APC: variants seen among roughly 807,000 people sequenced by gnomAD.
The protein encoded by APC is adenomatous polyposis coli protein.
In APC, 72 loss-of-function variants were observed where a neutral mutation model predicts 247.0. The observed-to-expected ratio is 0.29, with a 90% CI of 0.24 to 0.35. The LOEUF is 0.35. Ranked by LOEUF, APC falls within the 10% of genes least tolerant of loss-of-function variation. The pLI is 1.00. For synonymous variants in APC, 1,254 were observed against 1,162.5 expected, an observed-to-expected ratio of 1.08 and a Z score of -1.60; for missense variants, 3,400 against 3,360.7, an observed-to-expected ratio of 1.01 and a Z score of -0.29.
At chr5:112,764,965 A>G (rs1756107854) in intron 2 of APC, among the ~76,000 whole-genome samples, 1 of 152,216 alleles carries the variant, frequency 6.6e-6, no homozygotes, top group Admixed American at 6.5e-5. Flanking sequence ...ACACTCTGGA[A>G]TATTTTGAAA....
rs876660453 is a variant in APC at position 112,843,483 on chromosome 5, T to C, written c.7889T>C (p.Val2630Ala). 1 of 1,614,010 alleles carries C rather than the reference T, an allele frequency of 6.2e-7. No individual in the cohort carries two copies. Among genetic ancestry groups the C allele is most frequent in the Middle Eastern group, 1.6e-4 (1 of 6,062 alleles). ...FSPTNSTSQT[V>A]SSGATNGAES... Reference sequence around the variant, plus strand: ...CCCACAAATAGTACTTCTCAGACCGTTTCCTCAGGTGCTACAAATGGTGCT... The same window carrying C: ...CCCACAAATAGTACTTCTCAGACCGCTTCCTCAGGTGCTACAAATGGTGCT... Residue 2630 changes from valine (V) to alanine (A), a missense_variant, in exon 16 of 16, where the codon GTT (valine) becomes GCT (alanine). Coordinates refer to ENST00000257430, the MANE Select transcript of APC (RefSeq NM_000038.6). The surrounding 1 kb of genome is among the most constrained non-coding windows in gnomAD (Gnocchi z 4.8).
chr5:112,707,712 C>A, exon 1 of APC: 1 of 1,370,606 alleles, frequency 7.3e-7, no homozygotes, highest in Non-Finnish European at 9.6e-7. Flanking sequence ...GGCCTCGGCG[C>A]CCCCTATGTA....
intron 1 of APC, among the ~76,000 whole-genome samples, chr5:112,708,103 C>T (rs992447874): frequency 2.6e-5 from 4 of 152,196 alleles, no homozygotes; most frequent in African/African-American, 9.7e-5. Context: ...GCGACGCCCG[C>T]CGTCCTCCAC....
chr5:112,768,633 A>G (rs777150885), intron 4 of APC, among the ~76,000 whole-genome samples: 2 of 150,884 alleles, frequency 1.3e-5, no homozygotes, highest in Non-Finnish European at 2.9e-5. Flanking sequence ...TCAGACATTT[A>G]TTATTTCTTC....
intron 1 of APC, among the ~76,000 whole-genome samples, chr5:112,713,421 G>A (rs367950311): frequency 3.3e-5 from 5 of 152,114 alleles, no homozygotes; most frequent in Non-Finnish European, 7.4e-5. Flanking sequence ...CAACTAAACC[G>A]TTCACAGAAG....
chr5:112,821,267 A>G (rs918187536), intron 10 of APC, among the ~76,000 whole-genome samples: 1 of 152,060 alleles, frequency 6.6e-6, no homozygotes, highest in Admixed American at 6.6e-5. Context: ...GCACTATGGG[A>G]GGCCCGGGCA....
intron 11 of APC, among the ~76,000 whole-genome samples, chr5:112,822,802 C>T (rs1054304404): frequency 1.2e-4 from 18 of 152,188 alleles, no homozygotes; most frequent in African/African-American, 4.3e-4. Flanking sequence ...TATGTTCCAG[C>T]CACCACTTTA....
chr5:112,833,028 G>A (rs886459971), intron 14 of APC, among the ~76,000 whole-genome samples: 3 of 100,514 alleles, frequency 3.0e-5, no homozygotes, highest in African/African-American at 1.0e-4. Flanking sequence ...TTTGGGTTTG[G>A]GTTTTTTTTT....
intron 1 of APC, among the ~76,000 whole-genome samples, chr5:112,726,510 C>T (rs1394551643): frequency 6.6e-6 from 1 of 152,122 alleles, no homozygotes; most frequent in Non-Finnish European, 1.5e-5. Context: ...CATTTGTCTC[C>T]TTGTGGAGCA....
rs1554087974 is a variant in APC, at chr5:112,842,668, C to T, written c.7074C>T (p.Ser2358=). 4.3e-6 allele frequency: 7 copies of T among 1,613,728 alleles called. No homozygotes were observed. Among genetic ancestry groups the T allele is most frequent in the Non-Finnish European group, 5.9e-6 (7 of 1,179,718 alleles). ...TSSPSTASTK[S]SGSGKMSYTS... The stretch of plus-strand genomic sequence containing the variant: ...CCCCTAGTACTGCTTCAACTAAGTC[C>T]TCAGGTTCTGGAAAAATGTCATATA... The change falls in exon 16 of 16, where the codon TCC becomes TCT. Residue 2358 remains serine, a synonymous_variant. Coordinates refer to ENST00000257430, the MANE Select transcript of APC (RefSeq NM_000038.6).
chr5:112,834,822 A>C, intron 14 of APC, 129 bp from the exon 15 acceptor site: 1 of 800,970 alleles, frequency 1.2e-6, no homozygotes, highest in Non-Finnish European at 2.1e-6. Context: ...GAAAGTTCTT[A>C]ATTTACCAGT....
chr5:112,761,406 T>G lies in APC; in HGVS notation c.136-4920T>G, dbSNP rs544475874. Among the ~76,000 whole-genome samples, 7 of 152,000 alleles carry G rather than the reference T, an allele frequency of 4.6e-5. No homozygotes were observed. In the East Asian group the frequency reaches 1.4e-3, roughly 29 times the overall value. On this transcript the variant is annotated intron_variant, in intron 2 of 15. Transcript: ENST00000257430. Reference sequence around the variant, plus strand: ...CTTGAAAAAAAGAAAAATGAACAGATAGAAAATTTTGACAGAGAATTGGAG... The same window carrying G: ...CTTGAAAAAAAGAAAAATGAACAGAGAGAAAATTTTGACAGAGAATTGGAG...
rs1448553658 is a variant in APC at position 112,845,970 on chromosome 5, A to C, written c.*1844A>C. On this transcript the variant is annotated 3_prime_UTR_variant, in exon 16 of 16. Coordinates refer to ENST00000257430, the MANE Select transcript of APC (RefSeq NM_000038.6). ...AATCACATCAAGTAGTTAATTATCT[A>C]CCCCTTACCTGTGTTTATAACTTCC... 4.3e-6 allele frequency: 1 copy of C among 231,968 alleles called. No homozygotes were observed. Among genetic ancestry groups the C allele is most frequent in the Non-Finnish European group, 8.5e-6 (1 of 117,398 alleles). The allele number at this position is 231,968 out of a possible 1,614,324, so 14.4% of individuals were successfully genotyped here.
chr5:112,767,335 T>C lies in APC; in HGVS notation c.367T>C (p.Phe123Leu). The C allele has an allele frequency of 6.2e-7, 1 of 1,614,024 alleles. No individual in the cohort carries two copies. The highest frequency in any genetic ancestry group is 8.5e-7 in the Non-Finnish European group (1 of 1,179,988). The part of the protein sequence containing the change: ...VPMGSFPRRG[F>L]VNGSRESTGY... ...TATGGGTTCATTTCCAAGAAGAGGG[T>C]TTGTAAATGGAAGCAGAGAAAGTAC... The change falls in exon 4 of 16, where the codon TTT (phenylalanine) becomes CTT (leucine). Residue 123 changes from phenylalanine (F) to leucine (L), a missense_variant. By Grantham distance (22) the Phe-to-Leu change is conservative. This residue lies in a region of APC where 372 missense variants were observed against 367.6 expected (regional missense o/e 1.01). Coordinates refer to ENST00000257430, the MANE Select transcript of APC (RefSeq NM_000038.6).
At chr5:112,740,524 C>CTTTTTTTTTTT (rs11286305) in intron 1 of APC, among the ~76,000 whole-genome samples, 6 of 99,126 alleles carry the variant, frequency 6.1e-5, no homozygotes, top group African/African-American at 8.2e-5. Flanking sequence ...GTTTTTTTTT[C>CTTTTTTTTTTT]TTTTTTTTTT....
chr5:112,767,097 C>G (rs1561463502), intron 3 of APC, 92 bp from the exon 4 acceptor site: 6 of 1,117,346 alleles, frequency 5.4e-6, no homozygotes, highest in Non-Finnish European at 6.6e-6. Context: ...AAATGTAAAC[C>G]TAATATTTCA....
At position 112,771,616 on chromosome 5, in the gene APC, T is replaced by C. The variant is rs1757051785; in HGVS notation, c.423-4013T>C. Among the ~76,000 whole-genome samples the C allele has an allele frequency of 9.2e-5, 14 of 152,348 alleles. No individual in the cohort carries two copies. In the South Asian group the frequency reaches 2.9e-3, roughly 32 times the overall value. On this transcript the variant is annotated intron_variant, in intron 4 of 15. Transcript: ENST00000257430. Reference sequence around the variant, plus strand: ...AAATTTGATACCAGTCTGAATCTTATTCCTTTGTAGATGGCCATTTTTCCT... The same window carrying C: ...AAATTTGATACCAGTCTGAATCTTACTCCTTTGTAGATGGCCATTTTTCCT...
intron 1 of APC, among the ~76,000 whole-genome samples, chr5:112,748,288 A>G (rs1301369024): frequency 6.6e-6 from 1 of 152,176 alleles, no homozygotes; most frequent in Non-Finnish European, 1.5e-5. Flanking sequence ...GGGAAGAGAA[A>G]GAGAAATAGA....
rs1295184640 is a variant in APC at position 112,844,692 on chromosome 5, AAC to A, written c.*568_*569del. 2 of 232,916 alleles carry A rather than the reference AAC, an allele frequency of 8.6e-6. No individual in the cohort carries two copies. Among genetic ancestry groups the A allele is most frequent in the African/African-American group, 4.4e-5 (2 of 45,284 alleles). The allele number at this position is 232,916 out of a possible 1,614,324, so 14.4% of individuals were successfully genotyped here. Reference sequence around the variant, plus strand: ...TGGTTCAATTTCAGAAGTAATGATTAACAGTTATGTGGTCACATGATGTGCAT... The same window carrying A: ...TGGTTCAATTTCAGAAGTAATGATTAAGTTATGTGGTCACATGATGTGCAT... On this transcript the variant is annotated 3_prime_UTR_variant, in exon 16 of 16. Coordinates refer to ENST00000257430, the MANE Select transcript of APC (RefSeq NM_000038.6).
Sources: gnomAD v4.1 joint callset for allele counts (sites outside exome capture counted in the v4.1 genomes callset) on GRCh38, gnomAD v4.1.1 for gene constraint, gnomAD v4.1.1 regional missense constraint, Gnocchi (gnomAD v3.1) non-coding constraint, MANE v1.5 for transcripts, NCBI Gene and HGNC (gene_info 2026-07-23, HGNC 2026-07-21) for gene names.